BEND4: variants seen among roughly 807,000 people sequenced by gnomAD.
BEND4 encodes the protein BEN domain containing 4.
Under a neutral mutation model 54.7 loss-of-function variants are expected in BEND4, and 27 were observed. The ratio of observed to expected loss-of-function variants is 0.49; its 90% CI spans 0.36 to 0.68. The LOEUF (loss-of-function observed/expected upper bound fraction) is 0.68. Among genes scored for constraint, BEND4 ranks in the 30% least tolerant of loss-of-function variants. The pLI is 0.00. For synonymous variants in BEND4, 327 were observed against 299.5 expected (o/e 1.09, Z -0.95); for missense variants, 702 against 697.2 (o/e 1.01, Z -0.08).
intron 5 of BEND4, among the ~76,000 whole-genome samples, chr4:42,118,154 G>A (rs568420561): frequency 1.3e-3 from 196 of 152,216 alleles, no homozygotes; most frequent in African/African-American, 4.5e-3. Flanking sequence ...TCTTTAACCA[G>A]CTACTAATTT....
chr4:42,125,720 C>T (rs780442654), intron 3 of BEND4, 46 bp from the exon 4 acceptor site: 3 of 1,212,916 alleles, frequency 2.5e-6, no homozygotes, highest in African/African-American at 3.1e-5. Context: ...TATCCCGTAA[C>T]ATGAAAATAA....
chr4:42,149,306 G>A (rs1721182555), intron 2 of BEND4, among the ~76,000 whole-genome samples: 1 of 151,780 alleles, frequency 6.6e-6, no homozygotes, highest in Non-Finnish European at 1.5e-5. Context: ...TCAGGTGGCT[G>A]TTCTCTGATG....
chr4:42,138,523 C>T (rs557671428), intron 3 of BEND4, among the ~76,000 whole-genome samples: 2 of 152,070 alleles, frequency 1.3e-5, no homozygotes, highest in Non-Finnish European at 1.5e-5. Context: ...GAGGAATACA[C>T]GTGACAAATT....
rs1248399265 is a variant in BEND4 at position 42,138,101 on chromosome 4, T to C, written c.1054+5327A>G. On this transcript the variant is annotated intron_variant, in intron 3 of 5. Transcript: ENST00000502486. ...CTCCTGGACATATACCCAAAGGAAA[T>C]GAAATCAACATCTTGTAAAGATGTC... is the stretch of plus-strand genomic sequence containing the variant. 1.2e-4 allele frequency among the ~76,000 whole-genome samples: 18 copies of C among 152,196 alleles called. 1 individual carries two copies. The East Asian group carries it at 2.9e-3, about 25-fold the overall frequency.
At chr4:42,139,725 T>C (rs1020280038) in intron 3 of BEND4, among the ~76,000 whole-genome samples, 12 of 152,302 alleles carry the variant, frequency 7.9e-5, no homozygotes, top group Admixed American at 2.0e-4. Flanking sequence ...CTGCTGAGCG[T>C]TGCGTTCTCC....
At position 42,117,615 on chromosome 4, in the gene BEND4, A is replaced by C. The variant is rs770567629; in HGVS notation, c.1508T>G (p.Phe503Cys). The C allele has an allele frequency of 1.2e-6, 2 of 1,613,290 alleles. No individual in the cohort carries two copies. The highest frequency in any genetic ancestry group is 1.7e-5 in the Admixed American group (1 of 59,928). The change falls in exon 6 of 6, where the codon TTC becomes TGC. Residue 503 changes from phenylalanine (F) to cysteine (C), a missense_variant. Phe to Cys is a radical substitution (Grantham distance 205, BLOSUM62 -2). Transcript: ENST00000502486. ...ATAAAATGAGCCACCGTTGTGCAGG[A>C]AAGTCCCCACCGCCCGCCCCTGTCG... Reference protein sequence around the residue: ...HARQGRAVGTFLHNGGSFYEG... With the variant: ...HARQGRAVGTCLHNGGSFYEG...
Position 42,132,777 on chromosome 4 carries a change from G to A in BEND4, c.1055-7103C>T, listed in dbSNP as rs117208816. On this transcript the variant is annotated intron_variant, in intron 3 of 5. Transcript: ENST00000502486. ...GGAATTTTAAACAAGTCACTCTCAC[G>A]GTGAAACTACTACTTCAGACCCATT... is the stretch of plus-strand genomic sequence containing the variant. Among the ~76,000 whole-genome samples the A allele has an allele frequency of 2.3e-3, 352 of 152,112 alleles. 6 individuals carry two copies. The East Asian group carries it at 0.048, about 21-fold the overall frequency.
rs1479738171 is a variant in BEND4, at chr4:42,114,590, TAA to T, written c.*2926_*2927del. 1.4e-4 allele frequency: 21 copies of T among 152,144 alleles called. No individual in the cohort carries two copies. Among genetic ancestry groups the T allele is most frequent in the Admixed American group, 1.4e-3 (21 of 15,268 alleles). The allele number at this position is 152,144 out of a possible 1,614,324, so 9.4% of individuals were successfully genotyped here. The stretch of plus-strand genomic sequence containing the variant: ...GAGAGCAATCTGTCCATTTGCCAGA[TAA>T]AGATGCAGAAAATCAAATCAAAATA... On this transcript the variant is annotated 3_prime_UTR_variant, in exon 6 of 6. Transcript: ENST00000502486.
intron 3 of BEND4, among the ~76,000 whole-genome samples, chr4:42,126,881 C>T (rs1013514511): frequency 3.3e-5 from 5 of 151,942 alleles, no homozygotes; most frequent in African/African-American, 1.2e-4. Context: ...CAAAACAAAA[C>T]AAAAAGAACA....
intron 5 of BEND4, chr4:42,119,815 G>A (rs983802028): frequency 4.1e-5 from 19 of 461,804 alleles, no homozygotes; most frequent in East Asian, 1.9e-4. Context: ...AATTTGAAGC[G>A]TGAAACATGA....
chr4:42,144,918 T>C (rs1721024624), intron 2 of BEND4, among the ~76,000 whole-genome samples: 1 of 152,210 alleles, frequency 6.6e-6, no homozygotes, highest in Admixed American at 6.5e-5. Context: ...ATTCGCTTCT[T>C]TCCTGATTGC....
At chr4:42,134,799 GT>G (rs926253011) in intron 3 of BEND4, among the ~76,000 whole-genome samples, 3 of 152,204 alleles carry the variant, frequency 2.0e-5, no homozygotes, top group Non-Finnish European at 4.4e-5. Flanking sequence ...AAAGGAGTAT[GT>G]TCTTAGGTTG....
chr4:42,126,212 A>C, intron 3 of BEND4, among the ~76,000 whole-genome samples: 1 of 152,256 alleles, frequency 6.6e-6, no homozygotes, highest in African/African-American at 2.4e-5. Flanking sequence ...TTTCAAGTCA[A>C]ACTTACTCCA....
chr4:42,118,255 G>A (rs920578664), intron 5 of BEND4, among the ~76,000 whole-genome samples: 3 of 152,166 alleles, frequency 2.0e-5, no homozygotes, highest in African/African-American at 7.2e-5. Flanking sequence ...TTAGAATGTT[G>A]TGTGATTAGC....
intron 3 of BEND4, among the ~76,000 whole-genome samples, chr4:42,139,520 T>C (rs139093731): frequency 1.8e-3 from 274 of 151,800 alleles, no homozygotes; most frequent in African/African-American, 5.9e-3. Flanking sequence ...TTTTTTCTTG[T>C]AGACTGATAG....
intron 2 of BEND4, among the ~76,000 whole-genome samples, chr4:42,148,496 A>G (rs1378940144): frequency 6.6e-6 from 1 of 152,262 alleles, no homozygotes; most frequent in Non-Finnish European, 1.5e-5. Context: ...AAAAGCAATC[A>G]TGCCTGCCAA....
chr4:42,137,707 A>T (rs947112629), intron 3 of BEND4, among the ~76,000 whole-genome samples: 2 of 152,204 alleles, frequency 1.3e-5, no homozygotes, highest in African/African-American at 2.4e-5. Context: ...TGAAAAAAAA[A>T]TTTTGCAAAC....
At chr4:42,132,143 A>T (rs774800230) in intron 3 of BEND4, among the ~76,000 whole-genome samples, 6 of 152,252 alleles carry the variant, frequency 3.9e-5, no homozygotes, top group Non-Finnish European at 8.8e-5. Flanking sequence ...CTGAAAAGGA[A>T]ATTGTGGAAA....
rs998448039 is a variant in BEND4 at position 42,121,319 on chromosome 4, G to A, written c.1147-1025C>T. Among the ~76,000 whole-genome samples the A allele has an allele frequency of 2.6e-5, 4 of 152,166 alleles. 1 individual carries two copies. The highest frequency in any genetic ancestry group is 9.7e-5 in the African/African-American group (4 of 41,450). On this transcript the variant is annotated intron_variant, in intron 4 of 5. Transcript: ENST00000502486. ...CAACAAGAGGGAGGCAGCCCGATGC[G>A]GCTAGGAAACCGGCACGGAGTTCTG...
Sources: allele counts gnomAD v4.1 joint callset (sites outside exome capture counted in the v4.1 genomes callset), GRCh38; gene constraint gnomAD v4.1.1; transcripts MANE v1.5; gene names NCBI Gene and HGNC (gene_info 2026-07-23, HGNC 2026-07-21).